Variants in MTUS2 observed in about 807,000 individuals in gnomAD.
MTUS2 encodes the protein microtubule associated scaffold protein 2, also known as microtubule-associated tumor suppressor candidate 2.
Under a neutral mutation model 114.1 loss-of-function variants are expected in MTUS2, and 40 were observed. The observed-to-expected ratio is 0.35, with a 90% CI of 0.27 to 0.46. The LOEUF is 0.46. MTUS2 is among the 20% of genes least tolerant of loss of function. The pLI, the probability that MTUS2 is intolerant of heterozygous loss-of-function variation, is 1.00. For missense variants in MTUS2, 1,679 were observed against 1,705.4 expected (o/e 0.98, Z 0.27); for synonymous variants, 688 against 672.0 (o/e 1.02, Z -0.37).
At chr13:29,270,509 T>C (rs1194348107) in intron 5 of MTUS2, among the ~76,000 whole-genome samples, 3 of 152,184 alleles carry the variant, frequency 2.0e-5, no homozygotes, top group African/African-American at 7.2e-5. Context: ...AGAAGCTCTC[T>C]GGGAAAAGGG....
At chr13:28,938,390 AAAAT>A (rs1158809197) in intron 2 of MTUS2, among the ~76,000 whole-genome samples, 1 of 152,106 alleles carries the variant, frequency 6.6e-6, no homozygotes, top group African/African-American at 2.4e-5. Flanking sequence ...AAAAAAAAAA[AAAAT>A]AGTCTTTTTG....
intron 6 of MTUS2, among the ~76,000 whole-genome samples, chr13:29,316,289 C>A (rs1899985766): frequency 6.6e-6 from 1 of 152,048 alleles, no homozygotes. Context: ...GAAAACTGCT[C>A]TGAGAGAGAT....
chr13:29,470,320 C>G (rs1344438448), intron 9 of MTUS2, among the ~76,000 whole-genome samples: 1 of 152,214 alleles, frequency 6.6e-6, no homozygotes, highest in Non-Finnish European at 1.5e-5. Flanking sequence ...TTCATACTAA[C>G]TGACAACCTC....
intron 8 of MTUS2, among the ~76,000 whole-genome samples, chr13:29,366,007 T>G (rs550778168): frequency 6.6e-5 from 10 of 152,326 alleles, no homozygotes; most frequent in African/African-American, 2.4e-4. Flanking sequence ...TCAGTTTTTC[T>G]ATAAAATGGA....
intron 8 of MTUS2, among the ~76,000 whole-genome samples, chr13:29,396,302 T>G (rs530353974): frequency 1.6e-3 from 248 of 152,334 alleles, no homozygotes; most frequent in African/African-American, 5.8e-3. Flanking sequence ...GTATGTATTT[T>G]TTCAGTTTTC....
intron 5 of MTUS2, among the ~76,000 whole-genome samples, chr13:29,217,642 T>C (rs1895734820): frequency 6.6e-6 from 1 of 152,200 alleles, no homozygotes; most frequent in African/African-American, 2.4e-5. Flanking sequence ...TAAGGGAACA[T>C]TGAAGTTTTT....
At chr13:29,286,071 G>A (rs2139558089) in intron 6 of MTUS2, among the ~76,000 whole-genome samples, 1 of 152,138 alleles carries the variant, frequency 6.6e-6, no homozygotes, top group Non-Finnish European at 1.5e-5. Flanking sequence ...GATTACAGAT[G>A]CGTGCCACCA....
chr13:29,419,906 T>C (rs74042058), intron 8 of MTUS2, among the ~76,000 whole-genome samples: 1,784 of 152,330 alleles, frequency 0.012, 33 homozygotes, highest in African/African-American at 0.04. Context: ...GAAACTGTCA[T>C]GTACAGAAGC....
chr13:29,039,159 G>A lies in MTUS2; in HGVS notation c.2446+5034G>A, dbSNP rs547369373. Among the ~76,000 whole-genome samples, 11 of 152,326 alleles carry A rather than the reference G, an allele frequency of 7.2e-5. No homozygotes were observed. In the East Asian group the frequency reaches 1.7e-3, roughly 24 times the overall value. On this transcript the variant is annotated intron_variant, in intron 4 of 15. Coordinates refer to ENST00000612955, the MANE Select transcript of MTUS2 (RefSeq NM_001033602.4). ...TTGTAGCGGTCCTTGACCTTGGAGCGGAGGACGGGCCTGGACCGCATATCC... is the reference window on the plus strand; with the variant it reads ...TTGTAGCGGTCCTTGACCTTGGAGCAGAGGACGGGCCTGGACCGCATATCC...
rs192611533 is a variant in MTUS2, at chr13:28,828,020, C to T, written c.-316+7409C>T. Among the ~76,000 whole-genome samples, 527 of 152,210 alleles carry T rather than the reference C, an allele frequency of 3.5e-3. 6 individuals carry two copies. Among genetic ancestry groups the T allele is most frequent in the Admixed American group, 0.016 (240 of 15,286 alleles). On this transcript the variant is annotated intron_variant, in intron 1 of 15. Transcript: ENST00000612955. ...AAAATTTATTAGGCGGGAATTTCCT[C>T]GTCTTAATAAGCCTGGGAGCGCTAC...
intron 5 of MTUS2, among the ~76,000 whole-genome samples, chr13:29,120,091 C>G (rs185739465): frequency 5.3e-5 from 8 of 152,050 alleles, no homozygotes; most frequent in Non-Finnish European, 8.8e-5. Context: ...ACAAATTAAC[C>G]AAAATATTAG....
intron 2 of MTUS2, among the ~76,000 whole-genome samples, chr13:29,020,129 C>T (rs1187003057): frequency 6.6e-6 from 1 of 152,078 alleles, no homozygotes; most frequent in African/African-American, 2.4e-5. Flanking sequence ...AGGTTATAAG[C>T]CTAGATCTTT....
At chr13:29,339,826 G>A (rs4997657) in intron 7 of MTUS2, 41,716 of 154,370 alleles carry the variant, frequency 0.27, 6,355 homozygotes, top group African/African-American at 0.42. Context: ...TGACCTGGGA[G>A]CGGAGAAGGG....
chr13:29,198,600 G>A (rs541675903), intron 5 of MTUS2, among the ~76,000 whole-genome samples: 12 of 152,214 alleles, frequency 7.9e-5, no homozygotes, highest in Middle Eastern at 3.4e-3. Flanking sequence ...TTCTAATTCT[G>A]TGAAGAAAGT....
At chr13:29,449,059 C>G (rs1482760022) in intron 9 of MTUS2, among the ~76,000 whole-genome samples, 1 of 152,216 alleles carries the variant, frequency 6.6e-6, no homozygotes, top group East Asian at 1.9e-4. Flanking sequence ...TGGCCTAAAG[C>G]ACTCTTTCTA....
intron 5 of MTUS2, among the ~76,000 whole-genome samples, chr13:29,267,561 A>G (rs1202964905): frequency 6.6e-6 from 1 of 152,252 alleles, no homozygotes; most frequent in African/African-American, 2.4e-5. Context: ...GAATAAATGC[A>G]TGAATTGAAT....
chr13:29,088,049 A>T (rs1328215949), intron 4 of MTUS2, among the ~76,000 whole-genome samples: 1 of 106,662 alleles, frequency 9.4e-6, no homozygotes, highest in African/African-American at 3.8e-5. Context: ...ACAGAGCAAG[A>T]CTCCGTCTCA....
chr13:28,994,337 G>T (rs7491576), intron 2 of MTUS2, among the ~76,000 whole-genome samples: 82,553 of 151,970 alleles, frequency 0.54, 22,863 homozygotes, highest in East Asian at 0.73. Flanking sequence ...GTCTTTGCTA[G>T]TGTGAATAGT....
At chr13:28,897,238 G>A (rs1879331638) in intron 2 of MTUS2, among the ~76,000 whole-genome samples, 1 of 152,124 alleles carries the variant, frequency 6.6e-6, no homozygotes, top group African/African-American at 2.4e-5. Context: ...AGTGGGTGAA[G>A]GATATGAACA....
Sources: allele counts gnomAD v4.1 joint callset (sites outside exome capture counted in the v4.1 genomes callset), GRCh38; gene constraint gnomAD v4.1.1; transcripts MANE v1.5; gene names NCBI Gene and HGNC (gene_info 2026-07-23, HGNC 2026-07-21).